Variants in STXBP5 observed in about 807,000 individuals in gnomAD.
STXBP5 encodes the protein syntaxin-binding protein 5.
In STXBP5, 50 loss-of-function variants were observed where a neutral mutation model predicts 152.4. The observed-to-expected ratio is 0.33, with a 90% CI of 0.26 to 0.42. The LOEUF is 0.42. Among genes scored for constraint, STXBP5 ranks in the 10% least tolerant of loss-of-function variants. The probability of loss-of-function intolerance (pLI) is 1.00; values close to 1 mark genes in which losing one functional copy is unlikely to be tolerated. For synonymous variants in STXBP5, 492 were observed against 494.7 expected (o/e 0.99, Z 0.07); for missense variants, 1,167 against 1,388.6 (o/e 0.84, Z 2.54).
chr6:147,304,546 T>A (rs746579601), intron 9 of STXBP5, among the ~76,000 whole-genome samples: 4 of 152,086 alleles, frequency 2.6e-5, no homozygotes, highest in Non-Finnish European at 5.9e-5. Context: ...AGTGGAACAC[T>A]GCCTAGTAGA....
chr6:147,262,100 C>T (rs557247064), intron 5 of STXBP5, among the ~76,000 whole-genome samples, 190 bp from the exon 6 acceptor site: 3 of 151,930 alleles, frequency 2.0e-5, no homozygotes, highest in African/African-American at 7.2e-5. Flanking sequence ...TTATATGAGT[C>T]ACCACTTCTT....
chr6:147,365,708 A>G (rs1440884071), intron 25 of STXBP5, among the ~76,000 whole-genome samples: 1 of 152,168 alleles, frequency 6.6e-6, no homozygotes, highest in Non-Finnish European at 1.5e-5. Context: ...TTACCTTTGT[A>G]TTTTTAGTAC....
At chr6:147,297,610 G>A (rs117935345) in intron 9 of STXBP5, among the ~76,000 whole-genome samples, 1,582 of 152,106 alleles carry the variant, frequency 0.01, 11 homozygotes, top group Non-Finnish European at 0.015. Context: ...AACTCTGAAG[G>A]TTAAAAGTCA....
chr6:147,338,592 C>T (rs1242164217), intron 19 of STXBP5, among the ~76,000 whole-genome samples: 1 of 151,444 alleles, frequency 6.6e-6, no homozygotes, highest in Admixed American at 6.6e-5. Flanking sequence ...GAGTCACAGC[C>T]AAAATAAAAT....
At position 147,353,389 on chromosome 6, in the gene STXBP5, A is replaced by G; in HGVS notation, c.2305+16A>G. 6.6e-7 allele frequency: 1 copy of G among 1,521,406 alleles called. No homozygotes were observed. The highest frequency in any genetic ancestry group is 8.9e-7 in the Non-Finnish European group (1 of 1,120,868). 94.2% of individuals were successfully genotyped at this position (1,521,406 alleles called of 1,614,324 possible). ...CCTGATTTAGGTAAGTAAAATAAAT[A>G]TTCAAAATAATTTAACTCCCTATAA... On this transcript the variant is annotated intron_variant, in intron 22 of 27. Transcript: ENST00000321680.
At chr6:147,290,830 C>CAGTT (rs1178797613) in intron 8 of STXBP5, among the ~76,000 whole-genome samples, 1 of 152,280 alleles carries the variant, frequency 6.6e-6, no homozygotes, top group East Asian at 1.9e-4. Flanking sequence ...GAAAAACTAT[C>CAGTT]AGTTTCTCCT....
At chr6:147,298,069 T>C (rs769760361) in intron 9 of STXBP5, among the ~76,000 whole-genome samples, 3 of 151,956 alleles carry the variant, frequency 2.0e-5, no homozygotes, top group African/African-American at 4.8e-5. Context: ...ATAGCATGAA[T>C]GAAAAAAGAA....
At chr6:147,366,748 T>C (rs1348888863) in intron 25 of STXBP5, among the ~76,000 whole-genome samples, 1 of 152,246 alleles carries the variant, frequency 6.6e-6, no homozygotes, top group Non-Finnish European at 1.5e-5. Flanking sequence ...AGGTAATATT[T>C]GTTGGTCCAG....
At chr6:147,328,902 A>G (rs531167008) in intron 18 of STXBP5, 5 of 336,892 alleles carry the variant, frequency 1.5e-5, no homozygotes, top group Non-Finnish European at 2.9e-5. Flanking sequence ...CATTACTTAG[A>G]TTCATCTCAT....
intron 8 of STXBP5, among the ~76,000 whole-genome samples, chr6:147,280,171 TG>T (rs1372574582): frequency 6.6e-6 from 1 of 152,136 alleles, no homozygotes; most frequent in African/African-American, 2.4e-5. Flanking sequence ...TTCTCGAAAC[TG>T]GAACAGTTCC....
intron 4 of STXBP5, among the ~76,000 whole-genome samples, chr6:147,255,869 C>A (rs768205925): frequency 8.5e-5 from 13 of 152,102 alleles, no homozygotes; most frequent in Non-Finnish European, 1.6e-4. Flanking sequence ...CTTTTTTCAA[C>A]TTTAAATAAT....
At chr6:147,208,454 C>T (rs1776681535) in intron 2 of STXBP5, among the ~76,000 whole-genome samples, 1 of 151,982 alleles carries the variant, frequency 6.6e-6, no homozygotes, top group African/African-American at 2.4e-5. Context: ...ACCTAAATTC[C>T]GAATCTCCAC....
rs982778239 is a variant in STXBP5 at position 147,384,968 on chromosome 6, T to C, written c.*213T>C. The C allele has an allele frequency of 1.5e-5, 8 of 550,240 alleles. No individual in the cohort carries two copies. The Admixed American group carries it at 2.5e-4, about 17-fold the overall frequency. The allele number at this position is 550,240 out of a possible 1,614,324, so 34.1% of individuals were successfully genotyped here. A position where few individuals can be genotyped will look rare whatever the true frequency, so the allele number is the denominator to read the frequency against. On this transcript the variant is annotated 3_prime_UTR_variant, in exon 28 of 28. Coordinates refer to ENST00000321680, the MANE Select transcript of STXBP5 (RefSeq NM_001127715.4). ...TGGAGTATATGGTGTGTGCCAGTTA[T>C]GAGTTGACCATTTGGGAATTAAACA...
intron 8 of STXBP5, among the ~76,000 whole-genome samples, chr6:147,287,505 A>G (rs1000023110): frequency 2.0e-5 from 3 of 152,194 alleles, no homozygotes; most frequent in African/African-American, 7.2e-5. Context: ...CCCGGCCTGT[A>G]CATTTTAAAG....
chr6:147,225,647 T>G (rs1395554554), intron 2 of STXBP5, among the ~76,000 whole-genome samples: 1 of 152,198 alleles, frequency 6.6e-6, no homozygotes, highest in African/African-American at 2.4e-5. Flanking sequence ...GTGTCAGACA[T>G]TTTCATAATA....
At chr6:147,253,122 C>T (rs1158396698) in intron 4 of STXBP5, among the ~76,000 whole-genome samples, 10 of 152,114 alleles carry the variant, frequency 6.6e-5, no homozygotes, top group East Asian at 5.8e-4. Context: ...ATGATCAAAT[C>T]GGCTTCATCC....
intron 22 of STXBP5, among the ~76,000 whole-genome samples, chr6:147,358,845 G>A (rs1158625553): frequency 6.6e-6 from 1 of 152,080 alleles, no homozygotes; most frequent in East Asian, 1.9e-4. Context: ...AGAGAAAGAG[G>A]GAGGGGTTGG....
At chr6:147,288,676 C>T (rs768853030) in intron 8 of STXBP5, among the ~76,000 whole-genome samples, 1 of 152,000 alleles carries the variant, frequency 6.6e-6, no homozygotes, top group African/African-American at 2.4e-5. Flanking sequence ...CTGCAGTAAC[C>T]TCAATTCTTG....
At chr6:147,271,116 G>T (rs1160557474) in intron 7 of STXBP5, among the ~76,000 whole-genome samples, 2 of 152,092 alleles carry the variant, frequency 1.3e-5, no homozygotes, top group Admixed American at 1.3e-4. Flanking sequence ...TTTAAATCCA[G>T]CTATGTCAAT....
Sources: gnomAD v4.1 joint callset for allele counts (sites outside exome capture counted in the v4.1 genomes callset) on GRCh38, gnomAD v4.1.1 for gene constraint, MANE v1.5 for transcripts, NCBI Gene and HGNC (gene_info 2026-07-23, HGNC 2026-07-21) for gene names.